The following GATA4 variants were observed in gnomAD, a reference collection of about 807,000 sequenced individuals.
GATA4 encodes GATA binding protein 4.
Under a neutral mutation model 37.9 loss-of-function variants are expected in GATA4, and 7 were observed. That is an observed-to-expected ratio of 0.18 (90% CI 0.11 to 0.35). The LOEUF (loss-of-function observed/expected upper bound fraction) is 0.35. GATA4 is among the 10% of genes least tolerant of loss of function. The probability of loss-of-function intolerance (pLI) is 1.00; values close to 1 mark genes in which losing one functional copy is unlikely to be tolerated. For missense variants in GATA4, 647 were observed against 653.0 expected (o/e 0.99, Z 0.10); for synonymous variants, 372 against 292.6 (o/e 1.27, Z -2.77).
intron 2 of GATA4, among the ~76,000 whole-genome samples, chr8:11,740,820 G>A (rs369639421): frequency 5.0e-4 from 76 of 151,392 alleles, no homozygotes; most frequent in Middle Eastern, 3.4e-3. Context: ...TGCAACCTCT[G>A]CCTCCTGGGT....
intron 4 of GATA4, among the ~76,000 whole-genome samples, chr8:11,751,130 C>G (rs941250209): frequency 6.6e-6 from 1 of 152,074 alleles, no homozygotes; most frequent in East Asian, 1.9e-4. Context: ...TAAATATTTA[C>G]TGTTTGTGCC....
intron 1 of GATA4, among the ~76,000 whole-genome samples, chr8:11,698,662 G>C (rs1005374233): frequency 1.3e-5 from 2 of 152,118 alleles, no homozygotes; most frequent in Non-Finnish European, 1.5e-5. Context: ...CTGGCTTCTG[G>C]TCAGCCTTCA....
chr8:11,707,092 TG>T lies in GATA4; in HGVS notation c.-457-762del, dbSNP rs1196211575. 2.6e-5 allele frequency among the ~76,000 whole-genome samples: 4 copies of T among 152,248 alleles called. No individual in the cohort carries two copies. Among genetic ancestry groups the T allele is most frequent in the African/African-American group, 9.6e-5 (4 of 41,456 alleles). The stretch of plus-strand genomic sequence containing the variant: ...GAAGAACCCATTCAGTGAATTAGAA[TG>T]GTCCAGTGGGTTATTCTGTAGAGCG... On this transcript the variant is annotated intron_variant, in intron 1 of 6. Coordinates refer to ENST00000532059, the MANE Select transcript of GATA4 (RefSeq NM_001308093.3). The surrounding 1 kb of genome is among the most constrained non-coding windows in gnomAD (Gnocchi z 4.7).
intron 2 of GATA4, among the ~76,000 whole-genome samples, chr8:11,730,915 C>T (rs1179044400): frequency 2.0e-5 from 3 of 152,222 alleles, no homozygotes; most frequent in South Asian, 2.1e-4. Context: ...GCCTTGGGAG[C>T]TCACATTTCA....
intron 2 of GATA4, among the ~76,000 whole-genome samples, chr8:11,734,400 GT>G (rs1412104988): frequency 6.6e-6 from 1 of 152,234 alleles, no homozygotes; most frequent in African/African-American, 2.4e-5. Context: ...TTGGTGTCTG[GT>G]GAGAGACCCA....
intron 4 of GATA4, among the ~76,000 whole-genome samples, chr8:11,751,466 G>A (rs1000498342): frequency 7.2e-5 from 11 of 152,146 alleles, no homozygotes; most frequent in African/African-American, 1.7e-4. Context: ...CTGGGGTCCT[G>A]GGGAGAAGGG....
intron 2 of GATA4, among the ~76,000 whole-genome samples, chr8:11,733,731 A>G (rs534839155): frequency 6.6e-6 from 1 of 152,264 alleles, no homozygotes; most frequent in Admixed American, 6.5e-5. Context: ...AGGAGTATCC[A>G]TGGTATGATC....
intron 1 of GATA4, among the ~76,000 whole-genome samples, chr8:11,694,161 G>A (rs1244439813): frequency 6.6e-6 from 1 of 152,290 alleles, no homozygotes; most frequent in East Asian, 1.9e-4. Flanking sequence ...AGAAACTTGT[G>A]TTCATCCTTG....
rs1431297203 is a variant in GATA4, at chr8:11,749,047, G to A, written c.748G>A (p.Gly250Ser). The A allele has an allele frequency of 8.1e-6, 13 of 1,614,086 alleles. No individual in the cohort carries two copies. Among genetic ancestry groups the A allele is most frequent in the African/African-American group, 1.3e-5 (1 of 74,926 alleles). The change falls in exon 3 of 7, where the codon GGC becomes AGC. Residue 250 changes from glycine (G) to serine (S), a missense_variant. Physicochemically the swap from Gly to Ser is moderately conservative, Grantham distance 56. Around this residue, in one of 5 missense-constraint regions of GATA4, gnomAD observed 56 missense variants for 64.5 expected, o/e 0.87. Transcript: ENST00000532059. The surrounding 1 kb of genome is among the most constrained non-coding windows in gnomAD (Gnocchi z 4.6). ...CTGCGGCCTCTACCACAAGATGAACGGCATCAACCGGCCGCTCATCAAGCC... is the reference window on the plus strand; with the variant it reads ...CTGCGGCCTCTACCACAAGATGAACAGCATCAACCGGCCGCTCATCAAGCC... ...NACGLYHKMNGINRPLIKPQR... is the reference protein window; with the variant it reads ...NACGLYHKMNSINRPLIKPQR...
intron 2 of GATA4, among the ~76,000 whole-genome samples, chr8:11,740,469 G>A (rs1405485480): frequency 3.3e-5 from 5 of 152,206 alleles, no homozygotes; most frequent in African/African-American, 7.2e-5. Flanking sequence ...CCCAGGTTTC[G>A]GGGTGGGGAC....
Position 11,709,290 on chromosome 8 carries a change from G to A in GATA4, c.616+362G>A, listed in dbSNP as rs1800054364. 6.6e-6 allele frequency among the ~76,000 whole-genome samples: 1 copy of A among 152,228 alleles called. No homozygotes were observed. The highest frequency in any genetic ancestry group is 1.5e-5 in the Non-Finnish European group (1 of 68,044). On this transcript the variant is annotated intron_variant, in intron 2 of 6. Coordinates refer to ENST00000532059, the MANE Select transcript of GATA4 (RefSeq NM_001308093.3). The surrounding 1 kb of genome is among the most constrained non-coding windows in gnomAD (Gnocchi z 4.3). ...GGGGGCAGCGGCCTGGGATTTCCTCGTGGAAGGTGCTGGAGATTGCTGAGT... is the reference window on the plus strand; with the variant it reads ...GGGGGCAGCGGCCTGGGATTTCCTCATGGAAGGTGCTGGAGATTGCTGAGT...
upstream of GATA4, among the ~76,000 whole-genome samples, chr8:11,702,180 C>T (rs1211577938): frequency 1.3e-5 from 2 of 152,210 alleles, no homozygotes; most frequent in East Asian, 1.9e-4. This position sits in a 1 kb window ranked among gnomAD's most constrained non-coding sequence, Gnocchi z 4.4. Context: ...CCGCCTGTGT[C>T]CTTGGCTGTG....
chr8:11,713,366 G>C (rs770155660), intron 2 of GATA4, among the ~76,000 whole-genome samples: 3 of 152,134 alleles, frequency 2.0e-5, no homozygotes, highest in Non-Finnish European at 2.9e-5. Context: ...TTAAGTGCCT[G>C]GCACATGTTG....
chr8:11,689,369 T>C (rs1799241082), upstream of GATA4, among the ~76,000 whole-genome samples: 1 of 152,220 alleles, frequency 6.6e-6, no homozygotes, highest in Non-Finnish European at 1.5e-5. Flanking sequence ...TAAGTGAATG[T>C]GTATATCACT....
intron 1 of GATA4, among the ~76,000 whole-genome samples, chr8:11,682,638 A>G (rs1415102701): frequency 6.6e-6 from 1 of 152,262 alleles, no homozygotes; most frequent in Non-Finnish European, 1.5e-5. Flanking sequence ...TCCTTGAAGA[A>G]ACAAAATTTT....
At chr8:11,685,324 G>A (rs2129948999) in intron 1 of GATA4, among the ~76,000 whole-genome samples, 1 of 152,320 alleles carries the variant, frequency 6.6e-6, no homozygotes, top group Non-Finnish European at 1.5e-5. Context: ...TGCCTAATGT[G>A]GCTAAGGATG....
intron 2 of GATA4, among the ~76,000 whole-genome samples, chr8:11,713,536 C>T (rs992845194): frequency 1.2e-4 from 18 of 151,558 alleles, no homozygotes; most frequent in African/African-American, 4.4e-4. Flanking sequence ...GTTCTGGAAA[C>T]TTCAGGGAAC....
chr8:11,723,140 A>C (rs902119276), intron 2 of GATA4, among the ~76,000 whole-genome samples: 1 of 152,096 alleles, frequency 6.6e-6, no homozygotes, highest in African/African-American at 2.4e-5. Context: ...TGAACCTAGG[A>C]GTTTGAAGCC....
chr8:11,693,687 A>G (rs1188013211), intron 1 of GATA4, among the ~76,000 whole-genome samples: 1 of 151,932 alleles, frequency 6.6e-6, no homozygotes, highest in African/African-American at 2.4e-5. Context: ...CCACACCAGG[A>G]GGAGGTGATG....
Sources: gnomAD v4.1 joint callset for allele counts (sites outside exome capture counted in the v4.1 genomes callset) on GRCh38, gnomAD v4.1.1 for gene constraint, gnomAD v4.1.1 regional missense constraint, Gnocchi (gnomAD v3.1) non-coding constraint, MANE v1.5 for transcripts, NCBI Gene and HGNC (gene_info 2026-07-23, HGNC 2026-07-21) for gene names.